GRIP2: variants seen among roughly 807,000 people sequenced by gnomAD.
The protein encoded by GRIP2 is glutamate receptor-interacting protein 2.
GRIP2 carries 58 observed loss-of-function variants against 108.3 expected under a neutral mutation model. That is an observed-to-expected ratio of 0.54 (90% CI 0.43 to 0.67). GRIP2 has a LOEUF of 0.67. Among genes scored for constraint, GRIP2 ranks in the 30% least tolerant of loss-of-function variants. GRIP2 has a pLI of 0.00. For synonymous variants in GRIP2, 586 were observed against 598.2 expected (o/e 0.98, Z 0.30); for missense variants, 1,278 against 1,430.6 (o/e 0.89, Z 1.72).
chr3:14,510,384 C>G (rs1367982222), intron 16 of GRIP2, among the ~76,000 whole-genome samples: 1 of 151,538 alleles, frequency 6.6e-6, no homozygotes, highest in Non-Finnish European at 1.5e-5. Context: ...CCCACCTCAG[C>G]CTCCCAAGTA....
At chr3:14,504,197 A>G (rs1693852156) in intron 20 of GRIP2, among the ~76,000 whole-genome samples, 1 of 152,128 alleles carries the variant, frequency 6.6e-6, no homozygotes, top group Non-Finnish European at 1.5e-5. Flanking sequence ...CAGTTCCAAC[A>G]CTGAGTCTCA....
chr3:14,523,769 C>G, intron 4 of GRIP2, 71 bp from the exon 5 acceptor site: 1 of 1,018,494 alleles, frequency 9.8e-7, no homozygotes, highest in Non-Finnish European at 1.5e-6. Flanking sequence ...GCCCAAAGCT[C>G]ATTCCAGGAG....
intron 1 of GRIP2, among the ~76,000 whole-genome samples, chr3:14,533,330 G>T (rs917775947): frequency 2.0e-5 from 3 of 152,194 alleles, no homozygotes; most frequent in African/African-American, 7.2e-5. Flanking sequence ...TTCTGTCCCT[G>T]GAAAATCCCT....
chr3:14,574,512 A>C, the GRIP2 span: 2 of 737,078 alleles, frequency 2.7e-6, no homozygotes, highest in East Asian at 2.5e-5. Context: ...CCTGCCAGTG[A>C]GGTACTCCTG....
the GRIP2 span, among the ~76,000 whole-genome samples, chr3:14,586,272 TCTTA>T: frequency 6.6e-6 from 1 of 152,232 alleles, no homozygotes; most frequent in African/African-American, 2.4e-5. Flanking sequence ...CCCAGTGAAC[TCTTA>T]CTTATTTGTC....
rs1694404826 is a variant in GRIP2 at position 14,521,425 on chromosome 3, A to G, written c.712+217T>C. Reference sequence around the variant, plus strand: ...CTCTCTCCACCAGAATGCCAGCTCCATGAGAACAGACACCTCAATTCTGTT... The same window carrying G: ...CTCTCTCCACCAGAATGCCAGCTCCGTGAGAACAGACACCTCAATTCTGTT... On this transcript the variant is annotated intron_variant, in intron 7 of 23. Coordinates refer to ENST00000621039, the MANE Select transcript of GRIP2 (RefSeq NM_001080423.4). The surrounding 1 kb of genome is among the most constrained non-coding windows in gnomAD (Gnocchi z 5.1). 3.8e-6 allele frequency: 2 copies of G among 530,526 alleles called. No individual in the cohort carries two copies. Among genetic ancestry groups the G allele is most frequent in the Admixed American group, 3.8e-5 (1 of 26,080 alleles). 32.9% of individuals were successfully genotyped at this position (530,526 alleles called of 1,614,324 possible). A position where few individuals can be genotyped will look rare whatever the true frequency, so the allele number is the denominator to read the frequency against.
the GRIP2 span, among the ~76,000 whole-genome samples, chr3:14,599,652 T>C: frequency 1.3e-5 from 2 of 148,614 alleles, no homozygotes; most frequent in Non-Finnish European, 3.0e-5. Context: ...GGGAGGGTCA[T>C]TGAAGCACAA....
At position 14,493,586 on chromosome 3, in the gene GRIP2, G is replaced by C. The variant is rs950703655; in HGVS notation, c.*79C>G. ...CCAACAGATGAATGAGTGGGTGGCC[G>C]CTTCTCCAGCCCAGCTACGTGTCTG... On this transcript the variant is annotated 3_prime_UTR_variant, in exon 24 of 24. Transcript: ENST00000621039. 9 of 1,429,986 alleles carry C rather than the reference G, an allele frequency of 6.3e-6. No homozygotes were observed. Among genetic ancestry groups the C allele is most frequent in the African/African-American group, 2.8e-5 (2 of 70,292 alleles). 88.6% of individuals were successfully genotyped at this position (1,429,986 alleles called of 1,614,324 possible).
rs531503327 is a variant in GRIP2, at chr3:14,555,900, C to T, written c.55G>A (p.Asp19Asn). 8.5e-5 allele frequency: 34 copies of T among 399,942 alleles called. 1 individual carries two copies. Among genetic ancestry groups the T allele is most frequent in the African/African-American group, 7.0e-4 (34 of 48,744 alleles). The allele number at this position is 399,942 out of a possible 1,614,324, so 24.8% of individuals were successfully genotyped here. ...GCCCTCCACCCAGACTCACCGGCAC[C>T]TTTGAGACGCCGCCTCACCACGCCC... The change falls in exon 1 of 24, where the codon GAC becomes AAC. Residue 19 changes from aspartate to asparagine, a missense_variant and splice_region_variant. Physicochemically the swap from Asp to Asn is conservative, Grantham distance 23 (BLOSUM62 1). Transcript: ENST00000637182.
rs765172284 is a variant in GRIP2 at position 14,491,949 on chromosome 3, C to G, written c.*1716G>C. On this transcript the variant is annotated 3_prime_UTR_variant, in exon 24 of 24. Coordinates refer to ENST00000621039, the MANE Select transcript of GRIP2 (RefSeq NM_001080423.4). Reference sequence around the variant, plus strand: ...AAGATAGCAGAGGCGCTGAGCACCCCAGGCACAAGCATGCAGGGCCCTCAG... The same window carrying G: ...AAGATAGCAGAGGCGCTGAGCACCCGAGGCACAAGCATGCAGGGCCCTCAG... 1.3e-5 allele frequency: 2 copies of G among 152,436 alleles called. No homozygotes were observed. The highest frequency in any genetic ancestry group is 4.8e-5 in the African/African-American group (2 of 41,456). The allele number at this position is 152,436 out of a possible 1,614,324, so 9.4% of individuals were successfully genotyped here.
chr3:14,527,367 T>TGAAAGGAAAGGAAAG lies in GRIP2; in HGVS notation c.41-1451_41-1437dup, dbSNP rs776162593. ...TTTCAAATTTCATTTTCTAATTACT[T>TGAAAGGAAAGGAAAG]GAAAGGAAAGGAAAGGAAAGGAAAG... On this transcript the variant is annotated intron_variant, in intron 1 of 23. Coordinates refer to ENST00000621039, the MANE Select transcript of GRIP2 (RefSeq NM_001080423.4). 3.2e-3 allele frequency among the ~76,000 whole-genome samples: 434 copies of TGAAAGGAAAGGAAAG among 135,862 alleles called. 3 individuals carry two copies. The highest frequency in any genetic ancestry group is 4.4e-3 in the Non-Finnish European group (282 of 64,392). 89.1% of individuals were successfully genotyped at this position (135,862 alleles called of 152,430 possible). A position where few individuals can be genotyped will look rare whatever the true frequency, so the allele number is the denominator to read the frequency against.
the GRIP2 span, among the ~76,000 whole-genome samples, chr3:14,591,549 C>CAACAGATACTTCTTATT: frequency 6.6e-6 from 1 of 152,040 alleles, no homozygotes; most frequent in Non-Finnish European, 1.5e-5. Context: ...ATCTAGAATG[C>CAACAGATACTTCTTATT]AACAGGGGCT....
At chr3:14,496,289 C>T in intron 22 of GRIP2, 128 bp downstream of exon 22, 1 of 734,410 alleles carries the variant, frequency 1.4e-6, no homozygotes, top group Non-Finnish European at 2.1e-6. Context: ...TTTTGGAAAA[C>T]TCAACCCAGT....
the GRIP2 span, among the ~76,000 whole-genome samples, chr3:14,577,133 T>C: frequency 7.9e-5 from 12 of 152,230 alleles, no homozygotes; most frequent in Non-Finnish European, 5.9e-5. Flanking sequence ...AATGTTGGCA[T>C]GGAGATTGGA....
At position 14,507,632 on chromosome 3, in the gene GRIP2, A is replaced by G; in HGVS notation, c.2147T>C (p.Leu716Pro). The G allele has an allele frequency of 1.9e-6, 3 of 1,614,014 alleles. No homozygotes were observed. The highest frequency in any genetic ancestry group is 2.5e-6 in the Non-Finnish European group (3 of 1,179,880). The change falls in exon 18 of 24, where the codon CTG (leucine) becomes CCG (proline). Residue 716 changes from leucine (L) to proline (P), a missense_variant. Transcript: ENST00000621039. This position sits in a 1 kb window ranked among gnomAD's most constrained non-coding sequence, Gnocchi z 4.6. ...CTGCAGGAGGTGGATGGCCTCGCTC[A>G]GCGGCCGGCCCTTGAGGCTAACGTT... ...INNVSLKGRP[L>P]SEAIHLLQVA...
At chr3:14,566,446 G>A in the GRIP2 span, among the ~76,000 whole-genome samples, 3 of 152,212 alleles carry the variant, frequency 2.0e-5, no homozygotes, top group Non-Finnish European at 4.4e-5. Context: ...CAGGCATTAC[G>A]CTCATGGATC....
intron 1 of GRIP2, among the ~76,000 whole-genome samples, chr3:14,539,691 C>A (rs73133610): frequency 0.022 from 3,275 of 152,256 alleles, 112 homozygotes; most frequent in African/African-American, 0.073. Context: ...GTCTGCCCCT[C>A]CCCTGGGTCC....
At chr3:14,581,256 C>G in the GRIP2 span, among the ~76,000 whole-genome samples, 4 of 152,228 alleles carry the variant, frequency 2.6e-5, no homozygotes, top group Non-Finnish European at 5.9e-5. Flanking sequence ...CAGTGGACAT[C>G]AGCTGTTTCT....
At chr3:14,579,215 G>A in the GRIP2 span, among the ~76,000 whole-genome samples, 52 of 152,160 alleles carry the variant, frequency 3.4e-4, no homozygotes, top group South Asian at 2.1e-4. Flanking sequence ...GCTGTGATTC[G>A]GTTTATATGA....
Sources: allele counts gnomAD v4.1 joint callset (sites outside exome capture counted in the v4.1 genomes callset), GRCh38; gene constraint gnomAD v4.1.1; non-coding constraint Gnocchi (gnomAD v3.1); transcripts MANE v1.5; gene names NCBI Gene and HGNC (gene_info 2026-07-23, HGNC 2026-07-21).